Variants in MROH2A observed in about 807,000 individuals in gnomAD.
MROH2A encodes maestro heat-like repeat-containing protein family member 2A.
A neutral mutation model predicts 200.4 loss-of-function variants in MROH2A; 174 were observed. That is an observed-to-expected ratio of 0.87 (90% CI 0.77 to 0.98). The LOEUF (loss-of-function observed/expected upper bound fraction) is 0.98. Among genes scored for constraint, MROH2A ranks in the 50% least tolerant of loss-of-function variants. The probability of loss-of-function intolerance (pLI) is 0.00; values close to 1 mark genes in which losing one functional copy is unlikely to be tolerated. For synonymous variants in MROH2A, 829 were observed against 840.4 expected, an observed-to-expected ratio of 0.99 and a Z score of 0.23; for missense variants, 2,045 against 2,139.6, an observed-to-expected ratio of 0.96 and a Z score of 0.87.
chr2:233,789,905 C>T lies in MROH2A; in HGVS notation c.462C>T (p.Ser154=), dbSNP rs2126100177. Residue 154 remains serine, a synonymous_variant, in exon 5 of 42, where the codon TCC becomes TCT. Coordinates refer to ENST00000389758, the MANE Select transcript of MROH2A (RefSeq NM_001394639.1). The part of the protein sequence containing the change: ...EVASDTLVAL[S]RNHFSLVMYE... ...CCAGCGACACACTGGTGGCTCTGTCCCGAAACCACTTCAGCTTGGTCATGT... is the reference window on the plus strand; with the variant it reads ...CCAGCGACACACTGGTGGCTCTGTCTCGAAACCACTTCAGCTTGGTCATGT... 1.3e-6 allele frequency: 2 copies of T among 1,550,438 alleles called. No homozygotes were observed.
intron 14 of MROH2A, 108 bp from the exon 15 acceptor site, chr2:233,802,060 C>T: frequency 3.2e-6 from 4 of 1,256,216 alleles, no homozygotes; most frequent in Non-Finnish European, 3.2e-6. Context: ...GGGGACATCT[C>T]TGGGGAAGCA....
rs1700775466 is a variant in MROH2A at position 233,778,424 on chromosome 2, G to A, written c.-72G>A. 5.9e-6 allele frequency: 1 copy of A among 169,296 alleles called. No individual in the cohort carries two copies. The highest frequency in any genetic ancestry group is 1.5e-5 in the Non-Finnish European group (1 of 68,320). The allele number at this position is 169,296 out of a possible 1,614,324, so 10.5% of individuals were successfully genotyped here. A position where few individuals can be genotyped will look rare whatever the true frequency, so the allele number is the denominator to read the frequency against. ...TCCATTGATGTGTATTGGGCCAAGA[G>A]CAGAGCTTTTTCTTGTGGTTAATAT... On this transcript the variant is annotated 5_prime_UTR_variant, in exon 1 of 42. Coordinates refer to ENST00000389758, the MANE Select transcript of MROH2A (RefSeq NM_001394639.1).
rs1488316037 is a variant in MROH2A at position 233,804,135 on chromosome 2, C to A, written c.1834C>A (p.Pro612Thr). 1.3e-6 allele frequency: 2 copies of A among 1,550,556 alleles called. No homozygotes were observed. The highest frequency in any genetic ancestry group is 2.4e-5 in the South Asian group (2 of 84,066). Residue 612 changes from proline (P) to threonine (T), a missense_variant, in exon 17 of 42, where the codon CCC (proline) becomes ACC (threonine). Coordinates refer to ENST00000389758, the MANE Select transcript of MROH2A (RefSeq NM_001394639.1). Reference protein sequence around the residue: ...LLRTLSQSIAPSMADMWELEI... With the variant: ...LLRTLSQSIATSMADMWELEI... ...GAGGACCCTGAGCCAGAGCATCGCA[C>A]CCTCCATGGCCGACATGTGGGAGCT...
At chr2:233,791,399 T>G (rs1189473677) in intron 5 of MROH2A, among the ~76,000 whole-genome samples, 1 of 152,014 alleles carries the variant, frequency 6.6e-6, no homozygotes, top group African/African-American at 2.4e-5. Flanking sequence ...ACTGGGAGCG[T>G]GTTGGCCTCC....
At chr2:233,830,444 G>A (rs1704649196) in intron 38 of MROH2A, among the ~76,000 whole-genome samples, 3 of 152,190 alleles carry the variant, frequency 2.0e-5, no homozygotes, top group Non-Finnish European at 4.4e-5. Context: ...CCCCCGCCTA[G>A]TAAGCCTTGG....
rs937080126 is a variant in MROH2A at position 233,793,778 on chromosome 2, T to A, written c.776T>A (p.Met259Lys). ...GAGTTTGCCCTGAAGGTGTTCCCCATGTATCGCTACTTCGTGACAGTGTGG... is the reference window on the plus strand; with the variant it reads ...GAGTTTGCCCTGAAGGTGTTCCCCAAGTATCGCTACTTCGTGACAGTGTGG... ...EEEFALKVFP[M>K]YRYFVTVWLR... Residue 259 changes from methionine (M) to lysine (K), a missense_variant, in exon 7 of 42, where the codon ATG (methionine) becomes AAG (lysine). By Grantham distance (95) the Met-to-Lys change is moderately conservative (BLOSUM62 -1). Coordinates refer to ENST00000389758, the MANE Select transcript of MROH2A (RefSeq NM_001394639.1). 6.7e-7 allele frequency: 1 copy of A among 1,490,518 alleles called. No individual in the cohort carries two copies. Among genetic ancestry groups the A allele is most frequent in the Admixed American group, 2.3e-5 (1 of 43,986 alleles). 92.3% of individuals were successfully genotyped at this position (1,490,518 alleles called of 1,614,324 possible). A position where few individuals can be genotyped will look rare whatever the true frequency, so the allele number is the denominator to read the frequency against.
rs1704481431 is a variant in MROH2A at position 233,828,586 on chromosome 2, A to G, written c.4114-44A>G. 1 of 1,538,658 alleles carries G rather than the reference A, an allele frequency of 6.5e-7. No homozygotes were observed. The highest frequency in any genetic ancestry group is 1.4e-5 in the African/African-American group (1 of 72,646). On this transcript the variant is annotated intron_variant, in intron 35 of 41. Coordinates refer to ENST00000389758, the MANE Select transcript of MROH2A (RefSeq NM_001394639.1). The surrounding 1 kb of genome is among the most constrained non-coding windows in gnomAD (Gnocchi z 4.6). ...CCACGTCCCACCTTGCTGCTGAGAAATGAGCCCGCCCTGGGGATAACTGCC... is the reference window on the plus strand; with the variant it reads ...CCACGTCCCACCTTGCTGCTGAGAAGTGAGCCCGCCCTGGGGATAACTGCC...
At chr2:233,801,841 G>A (rs1702494778) in intron 14 of MROH2A, among the ~76,000 whole-genome samples, 1 of 152,182 alleles carries the variant, frequency 6.6e-6, no homozygotes. Flanking sequence ...CCCTCTAGAG[G>A]ACTTGGGATC....
At chr2:233,802,685 C>T (rs1362140659) in intron 15 of MROH2A, among the ~76,000 whole-genome samples, 1 of 152,164 alleles carries the variant, frequency 6.6e-6, no homozygotes, top group Non-Finnish European at 1.5e-5. Context: ...GCATCCCATC[C>T]TCTGTAGACT....
chr2:233,784,552 C>T (rs1016323273), intron 3 of MROH2A, among the ~76,000 whole-genome samples: 13 of 152,000 alleles, frequency 8.6e-5, no homozygotes, highest in African/African-American at 2.7e-4. Flanking sequence ...GGGAGGTGTT[C>T]GGGTCATGGG....
intron 2 of MROH2A, 86 bp downstream of exon 2, chr2:233,779,538 C>G (rs1442879316): frequency 7.1e-7 from 1 of 1,400,844 alleles, no homozygotes; most frequent in African/African-American, 1.4e-5. Flanking sequence ...GTCTCCCTTT[C>G]TCCATCTGCA....
At position 233,803,470 on chromosome 2, in the gene MROH2A, G is replaced by A. The variant is rs1218594515; in HGVS notation, c.1731G>A (p.Lys577=). The change falls in exon 16 of 42, where the codon AAG becomes AAA. Residue 577 remains lysine (K), a synonymous_variant. Transcript: ENST00000389758. The stretch of plus-strand genomic sequence containing the variant: ...CAGTGGACCTGCCTGCACCTCAGAA[G>A]CTGCTGGCCCGTCTCCTGGTGAGTG... ...SRQVDLPAPQ[K]LLARLLVLMS... The A allele has an allele frequency of 6.4e-7, 1 of 1,550,530 alleles. No individual in the cohort carries two copies.
Position 233,819,470 on chromosome 2 carries a change from G to A in MROH2A, c.3357+1G>A. The A allele has an allele frequency of 6.5e-7, 1 of 1,550,094 alleles. No homozygotes were observed. Among genetic ancestry groups the A allele is most frequent in the South Asian group, 1.2e-5 (1 of 84,054 alleles). On this transcript the variant is annotated splice_donor_variant, in intron 30 of 41. Transcript: ENST00000389758. LOFTEE classifies it high-confidence loss of function. ...GCGGGCCAAGGAGCTGGAGGACAAG[G>A]TGGCAGAGCCGCGGCAGGGCCACCA...
rs532088325 is a variant in MROH2A at position 233,804,461 on chromosome 2, A to G, written c.1892-34A>G. The G allele has an allele frequency of 2.3e-5, 36 of 1,550,138 alleles. No homozygotes were observed. In the African/African-American group the frequency reaches 3.0e-4, roughly 13 times the overall value. Reference sequence around the variant, plus strand: ...CAGGCTTAGGGGAGCAGTGGAAGAAAGTGGCATGTGTGACCATACATGTGT... The same window carrying G: ...CAGGCTTAGGGGAGCAGTGGAAGAAGGTGGCATGTGTGACCATACATGTGT... On this transcript the variant is annotated intron_variant, in intron 17 of 41. Transcript: ENST00000389758.
At chr2:233,802,467 G>A in intron 15 of MROH2A, 152 bp downstream of exon 15, 1 of 824,494 alleles carries the variant, frequency 1.2e-6, no homozygotes, top group Non-Finnish European at 1.9e-6. Context: ...TGCCTACCTG[G>A]ATATTAATGC....
At chr2:233,801,590 T>G (rs1702475062) in intron 14 of MROH2A, among the ~76,000 whole-genome samples, 2 of 152,222 alleles carry the variant, frequency 1.3e-5, no homozygotes, top group Non-Finnish European at 2.9e-5. Context: ...GCCTTGTGGC[T>G]GAATATCTTC....
chr2:233,803,343 T>G, intron 15 of MROH2A, 105 bp from the exon 16 acceptor site: 4 of 1,213,608 alleles, frequency 3.3e-6, no homozygotes, highest in Non-Finnish European at 4.7e-6. Flanking sequence ...AACAAGATCA[T>G]GTTGGGGAGG....
intron 24 of MROH2A, 137 bp from the exon 25 acceptor site, chr2:233,813,533 G>A: frequency 1.7e-6 from 1 of 605,022 alleles, no homozygotes; most frequent in Non-Finnish European, 3.0e-6. Flanking sequence ...GGGGAGGGAT[G>A]CTTGCCAGAG....
At chr2:233,796,077 G>A in intron 10 of MROH2A, 32 bp downstream of exon 10, 1 of 1,546,584 alleles carries the variant, frequency 6.5e-7, no homozygotes, top group Middle Eastern at 1.7e-4. Context: ...CTCCCTGCCT[G>A]CCCCGAGGCC....
Sources: gnomAD v4.1 joint callset for allele counts (sites outside exome capture counted in the v4.1 genomes callset) on GRCh38, gnomAD v4.1.1 for gene constraint, Gnocchi (gnomAD v3.1) non-coding constraint, MANE v1.5 for transcripts, NCBI Gene and HGNC (gene_info 2026-07-23, HGNC 2026-07-21) for gene names.